The following MAD1L1 variants were observed in gnomAD, a reference collection of about 807,000 sequenced individuals.
MAD1L1 encodes mitotic spindle assembly checkpoint protein MAD1.
In MAD1L1, 95 loss-of-function variants were observed where a neutral mutation model predicts 96.9. The observed-to-expected ratio is 0.98, with a 90% CI of 0.83 to 1.16. The LOEUF (loss-of-function observed/expected upper bound fraction) is 1.16, where lower values mean the gene tolerates loss of function less well. Ranked by LOEUF, MAD1L1 falls within the 50% of genes most tolerant of loss-of-function variation. The probability of loss-of-function intolerance (pLI) is 0.00; values close to 1 mark genes in which losing one functional copy is unlikely to be tolerated. For synonymous variants in MAD1L1, 473 were observed against 396.6 expected (o/e 1.19, Z -2.29); for missense variants, 1,007 against 954.4 (o/e 1.06, Z -0.73).
At chr7:1,908,655 C>T (rs991226083) in intron 17 of MAD1L1, among the ~76,000 whole-genome samples, 5 of 152,178 alleles carry the variant, frequency 3.3e-5, no homozygotes, top group African/African-American at 7.2e-5. Flanking sequence ...GCCCCGCACC[C>T]GGCCTCTCTT....
chr7:1,845,964 A>G (rs58673065), intron 18 of MAD1L1: 40,613 of 152,838 alleles, frequency 0.27, 5,423 homozygotes, highest in South Asian at 0.37. Flanking sequence ...AGGTGCTCAG[A>G]AACAGACCAA....
chr7:2,126,231 C>A (rs975720593), intron 11 of MAD1L1, among the ~76,000 whole-genome samples: 3 of 152,218 alleles, frequency 2.0e-5, no homozygotes, highest in Non-Finnish European at 4.4e-5. Context: ...AGGCAAGGCT[C>A]AGTGCGCGGC....
chr7:1,920,543 A>G (rs1303280273), intron 17 of MAD1L1, among the ~76,000 whole-genome samples: 1 of 152,098 alleles, frequency 6.6e-6, no homozygotes, highest in Non-Finnish European at 1.5e-5. Context: ...GGGGAGAAGG[A>G]GGGTGCAGGT....
At chr7:2,120,202 T>C (rs372109430) in intron 11 of MAD1L1, among the ~76,000 whole-genome samples, 4 of 152,342 alleles carry the variant, frequency 2.6e-5, no homozygotes, top group East Asian at 1.9e-4. Context: ...CCTTCCCCAG[T>C]TGCCTGTCCT....
At chr7:1,915,366 G>T (rs1309316597) in intron 17 of MAD1L1, among the ~76,000 whole-genome samples, 1 of 152,202 alleles carries the variant, frequency 6.6e-6, no homozygotes. Context: ...GCAGCACCTG[G>T]CTGGGAAGGA....
chr7:1,913,451 G>A (rs544064997), intron 17 of MAD1L1, among the ~76,000 whole-genome samples: 454 of 10,166 alleles, frequency 0.045, 1 homozygote, highest in African/African-American at 0.087. Flanking sequence ...GAAGGGAACC[G>A]TCGGGGGAGG....
chr7:2,109,001 C>G (rs1787238808), intron 11 of MAD1L1, among the ~76,000 whole-genome samples: 2 of 152,262 alleles, frequency 1.3e-5, no homozygotes, highest in African/African-American at 2.4e-5. Context: ...GTTCCAGACC[C>G]CCACCCGGCC....
intron 18 of MAD1L1, chr7:1,838,647 A>G (rs1745079818): frequency 2.4e-6 from 1 of 418,822 alleles, no homozygotes; most frequent in Non-Finnish European, 5.1e-6. Flanking sequence ...GACAACACAG[A>G]CAGCGGCTGC....
At chr7:2,121,515 TC>T (rs945413955) in intron 11 of MAD1L1, among the ~76,000 whole-genome samples, 1 of 152,122 alleles carries the variant, frequency 6.6e-6, no homozygotes, top group African/African-American at 2.4e-5. Context: ...ACTGACACTG[TC>T]CCCATGGGTC....
chr7:2,003,734 C>G (rs1318011660), intron 13 of MAD1L1, among the ~76,000 whole-genome samples: 1 of 152,212 alleles, frequency 6.6e-6, no homozygotes, highest in Non-Finnish European at 1.5e-5. Flanking sequence ...GCCTGCTGCC[C>G]TCACACTGCC....
intron 10 of MAD1L1, among the ~76,000 whole-genome samples, chr7:2,174,645 T>C (rs1790864484): frequency 6.6e-6 from 1 of 152,138 alleles, no homozygotes; most frequent in African/African-American, 2.4e-5. Flanking sequence ...ACACTTACAC[T>C]GATTTTTTCC....
chr7:2,222,825 C>G, intron 4 of MAD1L1, 71 bp from the exon 5 acceptor site: 1 of 1,259,118 alleles, frequency 7.9e-7, no homozygotes, highest in Non-Finnish European at 1.1e-6. Context: ...CTCACCCCCA[C>G]ACCTCTCTCA....
At chr7:1,924,117 G>C (rs933769567) in intron 17 of MAD1L1, among the ~76,000 whole-genome samples, 1 of 152,238 alleles carries the variant, frequency 6.6e-6, no homozygotes, top group Non-Finnish European at 1.5e-5. Context: ...CAAGATGACG[G>C]AGATGCTGGA....
At chr7:2,068,478 A>G (rs949221863) in intron 12 of MAD1L1, among the ~76,000 whole-genome samples, 2 of 152,202 alleles carry the variant, frequency 1.3e-5, no homozygotes, top group African/African-American at 4.8e-5. Context: ...CAGGTGCAGC[A>G]TGCATCCTGG....
chr7:2,032,782 C>T (rs1179321102), intron 12 of MAD1L1, among the ~76,000 whole-genome samples: 7 of 152,302 alleles, frequency 4.6e-5, no homozygotes, highest in Middle Eastern at 6.8e-3. Flanking sequence ...GGGGTGGCGC[C>T]GGCCTGCTCT....
At chr7:1,945,385 C>T (rs181366800) in intron 16 of MAD1L1, among the ~76,000 whole-genome samples, 20 of 152,358 alleles carry the variant, frequency 1.3e-4, no homozygotes, top group African/African-American at 4.6e-4. Flanking sequence ...TTACTACACT[C>T]GGATGTGCTC....
chr7:2,052,328 G>A (rs534233916), intron 12 of MAD1L1, among the ~76,000 whole-genome samples: 228 of 152,330 alleles, frequency 1.5e-3, no homozygotes, highest in Admixed American at 3.6e-3. Context: ...CAGGCCTGCC[G>A]CCACCACAGT....
intron 15 of MAD1L1, among the ~76,000 whole-genome samples, chr7:1,976,568 G>C (rs192481957): frequency 6.6e-6 from 1 of 152,224 alleles, no homozygotes; most frequent in Non-Finnish European, 1.5e-5. Flanking sequence ...GATTTACTGC[G>C]AAGAGTGAAA....
chr7:2,167,948 C>A (rs984061118), intron 10 of MAD1L1, among the ~76,000 whole-genome samples: 9 of 152,090 alleles, frequency 5.9e-5, no homozygotes, highest in Non-Finnish European at 1.2e-4. Flanking sequence ...ATCTTACCTG[C>A]AAAGATTTAT....
Sources: allele counts gnomAD v4.1 joint callset (sites outside exome capture counted in the v4.1 genomes callset), GRCh38; gene constraint gnomAD v4.1.1; transcripts MANE v1.5; gene names NCBI Gene and HGNC (gene_info 2026-07-23, HGNC 2026-07-21).